MAD1L1: variants seen among roughly 807,000 people sequenced by gnomAD.
MAD1L1 encodes mitotic arrest deficient 1 like 1.
A neutral mutation model predicts 96.9 loss-of-function variants in MAD1L1; 95 were observed. The ratio of observed to expected loss-of-function variants is 0.98; its 90% CI spans 0.83 to 1.16. The LOEUF (loss-of-function observed/expected upper bound fraction) is 1.16, where lower values mean the gene tolerates loss of function less well. Among genes scored for constraint, MAD1L1 ranks in the 50% most tolerant of loss-of-function variants. The pLI is 0.00. For missense variants in MAD1L1, 1,007 were observed against 954.4 expected, an observed-to-expected ratio of 1.06 and a Z score of -0.73; for synonymous variants, 473 against 396.6, an observed-to-expected ratio of 1.19 and a Z score of -2.29.
At chr7:1,851,899 G>C (rs1404668299) in intron 18 of MAD1L1, among the ~76,000 whole-genome samples, 1 of 152,220 alleles carries the variant, frequency 6.6e-6, no homozygotes, top group Non-Finnish European at 1.5e-5. Context: ...GCTGCTGCCC[G>C]GGAGCTGGAG....
chr7:1,898,395 G>T lies in MAD1L1; in HGVS notation c.1808-5C>A. On this transcript the variant is annotated splice_region_variant and splice_polypyrimidine_tract_variant and intron_variant, in intron 17 of 18. Coordinates refer to ENST00000265854, the MANE Select transcript of MAD1L1 (RefSeq NM_001013836.2). ...TCTCCACCTGCTTCTTCAGCTCTGC[G>T]GGAGGGACGGAAGGAGACAGTGAGT... The T allele has an allele frequency of 1.9e-6, 3 of 1,613,232 alleles. No homozygotes were observed. The highest frequency in any genetic ancestry group is 2.5e-6 in the Non-Finnish European group (3 of 1,179,560).
intron 10 of MAD1L1, among the ~76,000 whole-genome samples, chr7:2,161,739 C>T (rs919675125): frequency 3.1e-4 from 46 of 150,714 alleles, no homozygotes; most frequent in African/African-American, 1.1e-3. Context: ...ATGTGAAGAG[C>T]GCCTCTGCCT....
intron 3 of MAD1L1, among the ~76,000 whole-genome samples, chr7:2,228,029 GAGA>G (rs1462557483): frequency 1.9e-5 from 2 of 106,388 alleles, no homozygotes; most frequent in African/African-American, 5.8e-5. Flanking sequence ...CAGCAGGAGA[GAGA>G]GAACCACGAC....
chr7:2,108,095 A>G (rs1371826204), intron 11 of MAD1L1, among the ~76,000 whole-genome samples: 1 of 152,204 alleles, frequency 6.6e-6, no homozygotes, highest in Non-Finnish European at 1.5e-5. Context: ...ATTTTTAAAT[A>G]CAAGGAGCAC....
At chr7:1,940,964 G>GCAGGCCTCCCCCTCCTCTTCCTCTCC (rs1778941922) in intron 16 of MAD1L1, among the ~76,000 whole-genome samples, 16 of 64,376 alleles carry the variant, frequency 2.5e-4, no homozygotes, top group Non-Finnish European at 3.3e-4. Flanking sequence ...TCCTCCCCCC[G>GCAGGCCTCCCCCTCCTCTTCCTCTCC]CAGGCCTCAC....
At chr7:1,938,375 G>T (rs1225023332) in intron 16 of MAD1L1, among the ~76,000 whole-genome samples, 4 of 152,124 alleles carry the variant, frequency 2.6e-5, no homozygotes, top group Non-Finnish European at 5.9e-5. Flanking sequence ...GTAGACACAG[G>T]TTACTCAAAC....
chr7:1,853,631 C>T (rs769999778), intron 18 of MAD1L1, among the ~76,000 whole-genome samples: 15 of 152,192 alleles, frequency 9.9e-5, no homozygotes, highest in South Asian at 2.1e-4. Flanking sequence ...ACACTGTCCC[C>T]GCCGCCCTGC....
chr7:1,896,604 G>T (rs905892675), intron 18 of MAD1L1, among the ~76,000 whole-genome samples: 1 of 152,230 alleles, frequency 6.6e-6, no homozygotes, highest in East Asian at 1.9e-4. Context: ...ATGAAACACC[G>T]AAAGGAAACA....
chr7:1,816,232 C>A lies in MAD1L1; in HGVS notation c.1999-4G>T, dbSNP rs546341901. ...TGGAACCCGAGGGGCTGGTGGCCTG[C>A]GGGGCAGTCAAGAAAGAGACAAGAC... On this transcript the variant is annotated splice_region_variant and splice_polypyrimidine_tract_variant and intron_variant, in intron 18 of 18. Coordinates refer to ENST00000265854, the MANE Select transcript of MAD1L1 (RefSeq NM_001013836.2). The A allele has an allele frequency of 3.1e-6, 5 of 1,611,256 alleles. No individual in the cohort carries two copies. In the South Asian group the frequency reaches 4.4e-5, roughly 14 times the overall value.
intron 15 of MAD1L1, among the ~76,000 whole-genome samples, chr7:1,973,654 A>G (rs1319745359): frequency 3.3e-5 from 5 of 152,186 alleles, no homozygotes; most frequent in African/African-American, 1.2e-4. Context: ...CACCACGGAC[A>G]GGAGGCATGA....
chr7:2,015,640 C>G (rs566658754), intron 12 of MAD1L1, among the ~76,000 whole-genome samples: 12 of 152,378 alleles, frequency 7.9e-5, no homozygotes, highest in African/African-American at 2.4e-4. Flanking sequence ...CCGGACCCTT[C>G]TGGTCTCAGA....
intron 11 of MAD1L1, among the ~76,000 whole-genome samples, chr7:2,072,632 C>T (rs541753734): frequency 9.1e-4 from 138 of 152,336 alleles, no homozygotes; most frequent in African/African-American, 2.2e-3. Flanking sequence ...ATCACGGCTC[C>T]GTGTGGTCAT....
At chr7:2,085,093 G>A (rs73032323) in intron 11 of MAD1L1, among the ~76,000 whole-genome samples, 1 of 152,096 alleles carries the variant, frequency 6.6e-6, no homozygotes, top group African/African-American at 2.4e-5. Flanking sequence ...ATTCAACGCC[G>A]GTCTTGCTCA....
intron 13 of MAD1L1, among the ~76,000 whole-genome samples, chr7:2,010,731 A>C (rs1323993988): frequency 6.6e-6 from 1 of 152,236 alleles, no homozygotes; most frequent in African/African-American, 2.4e-5. Context: ...AACCACTCTC[A>C]GAGCGATGCT....
intron 12 of MAD1L1, 26 bp from the exon 13 acceptor site, chr7:2,014,668 A>G: frequency 1.3e-6 from 2 of 1,585,386 alleles, no homozygotes; most frequent in South Asian, 2.3e-5. Context: ...GCAGCTGATC[A>G]GGACCCGGGA....
intron 10 of MAD1L1, among the ~76,000 whole-genome samples, chr7:2,157,735 A>G (rs1789912762): frequency 6.6e-6 from 1 of 152,208 alleles, no homozygotes; most frequent in South Asian, 2.1e-4. Flanking sequence ...TTATTAAACA[A>G]TTGCAGCCTT....
chr7:1,841,465 A>C (rs1313646542), intron 18 of MAD1L1, among the ~76,000 whole-genome samples: 3 of 152,162 alleles, frequency 2.0e-5, no homozygotes, highest in Non-Finnish European at 4.4e-5. Context: ...TCCTCAGCAA[A>C]GAGGAAGTCA....
intron 18 of MAD1L1, among the ~76,000 whole-genome samples, chr7:1,857,180 C>T (rs533241963): frequency 1.8e-4 from 27 of 152,342 alleles, no homozygotes; most frequent in African/African-American, 5.5e-4. Flanking sequence ...GCAAGAGCCG[C>T]GAGCGCGGAC....
At chr7:1,966,162 G>A (rs966332054) in intron 15 of MAD1L1, among the ~76,000 whole-genome samples, 20 of 152,248 alleles carry the variant, frequency 1.3e-4, no homozygotes, top group Non-Finnish European at 1.0e-4. Context: ...ACCTGAACTG[G>A]GATGGGAACC....
Sources: gnomAD v4.1 joint callset for allele counts (sites outside exome capture counted in the v4.1 genomes callset) on GRCh38, gnomAD v4.1.1 for gene constraint, MANE v1.5 for transcripts, NCBI Gene and HGNC (gene_info 2026-07-23, HGNC 2026-07-21) for gene names.